LRRC69: variants seen among roughly 807,000 people sequenced by gnomAD.
LRRC69 encodes leucine-rich repeat-containing protein 69.
LRRC69 carries 42 observed loss-of-function variants against 37.8 expected under a neutral mutation model. The observed-to-expected ratio is 1.11, with a 90% CI of 0.87 to 1.44. The LOEUF (loss-of-function observed/expected upper bound fraction) is 1.44. LRRC69 is among the 40% of genes most tolerant of loss of function. The pLI, the probability that LRRC69 is intolerant of heterozygous loss-of-function variation, is 0.00. For synonymous variants in LRRC69, 141 were observed against 143.1 expected (o/e 0.99, Z 0.11); for missense variants, 357 against 401.9 (o/e 0.89, Z 0.96).
intron 5 of LRRC69, among the ~76,000 whole-genome samples, chr8:91,138,551 ATTT>A (rs34842999): frequency 1.4e-5 from 2 of 145,920 alleles, no homozygotes; most frequent in East Asian, 4.0e-4. Flanking sequence ...TCAGAGCAGT[ATTT>A]TTTTTTTTTT....
intron 5 of LRRC69, among the ~76,000 whole-genome samples, chr8:91,182,687 C>T (rs1239948093): frequency 6.6e-6 from 1 of 152,174 alleles, no homozygotes; most frequent in Non-Finnish European, 1.5e-5. Flanking sequence ...GGCAATTTGA[C>T]TCCCAAGTCC....
At chr8:91,152,164 T>C (rs1563606236) in intron 5 of LRRC69, among the ~76,000 whole-genome samples, 2 of 151,810 alleles carry the variant, frequency 1.3e-5, no homozygotes, top group African/African-American at 4.8e-5. Context: ...ATTTTTGCTT[T>C]TGTTGCCATT....
chr8:91,131,572 C>T (rs1223978396), intron 3 of LRRC69, among the ~76,000 whole-genome samples: 1 of 151,804 alleles, frequency 6.6e-6, no homozygotes, highest in African/African-American at 2.4e-5. Flanking sequence ...AGAGGTCCCT[C>T]ATGTCTTTTG....
At chr8:91,217,244 G>A (rs1190630825) in intron 7 of LRRC69, among the ~76,000 whole-genome samples, 2 of 152,132 alleles carry the variant, frequency 1.3e-5, no homozygotes, top group African/African-American at 4.8e-5. Flanking sequence ...GTCAGGACTC[G>A]TGGTTGCAAA....
At chr8:91,195,777 A>G (rs1353738797) in intron 6 of LRRC69, among the ~76,000 whole-genome samples, 1 of 151,860 alleles carries the variant, frequency 6.6e-6, no homozygotes, top group Admixed American at 6.5e-5. Context: ...CAGCACACTG[A>G]TGGGTCTTGA....
chr8:91,149,443 T>G (rs1384292658), intron 5 of LRRC69, among the ~76,000 whole-genome samples: 2 of 151,992 alleles, frequency 1.3e-5, no homozygotes, highest in Non-Finnish European at 2.9e-5. Flanking sequence ...CATTGGTCTA[T>G]ATCTCTGTTT....
chr8:91,139,098 A>G (rs1808478234), intron 5 of LRRC69: 1 of 151,748 alleles, frequency 6.6e-6, no homozygotes, highest in Non-Finnish European at 1.5e-5. Flanking sequence ...ATGTAGTCAG[A>G]TCTGCTACAG....
At chr8:91,158,531 C>T in intron 5 of LRRC69, 1 of 1,137,886 alleles carries the variant, frequency 8.8e-7, no homozygotes, top group Non-Finnish European at 1.3e-6. Context: ...ATGAAATAGA[C>T]TTACACACTG....
At chr8:91,204,423 G>C (rs1463483657) in intron 7 of LRRC69, among the ~76,000 whole-genome samples, 1 of 152,250 alleles carries the variant, frequency 6.6e-6, no homozygotes, top group African/African-American at 2.4e-5. Context: ...CCACTGTGGA[G>C]CACTGGAAGA....
intron 7 of LRRC69, among the ~76,000 whole-genome samples, chr8:91,216,936 C>T (rs181788607): frequency 7.2e-5 from 11 of 152,220 alleles, no homozygotes; most frequent in African/African-American, 2.6e-4. Context: ...TCACCCTCCC[C>T]GAAATGTCCT....
intron 5 of LRRC69, among the ~76,000 whole-genome samples, chr8:91,159,853 T>C (rs1042233663): frequency 1.3e-5 from 2 of 151,010 alleles, no homozygotes; most frequent in East Asian, 1.9e-4. Flanking sequence ...CTTTCAAGCA[T>C]ACTTGTAAAA....
chr8:91,133,630 G>C (rs765545905), intron 4 of LRRC69, among the ~76,000 whole-genome samples: 1 of 151,996 alleles, frequency 6.6e-6, no homozygotes, highest in Non-Finnish European at 1.5e-5. Context: ...TTATTGTTTG[G>C]TATTTCTTTC....
At chr8:91,208,838 G>A (rs1050692608) in intron 7 of LRRC69, among the ~76,000 whole-genome samples, 3 of 152,172 alleles carry the variant, frequency 2.0e-5, no homozygotes, top group African/African-American at 7.2e-5. Context: ...CCGTGGTAGT[G>A]TCTACTTCCC....
intron 5 of LRRC69, among the ~76,000 whole-genome samples, chr8:91,141,464 C>T (rs1486910550): frequency 6.6e-6 from 1 of 152,064 alleles, no homozygotes; most frequent in African/African-American, 2.4e-5. Context: ...CTTGATAGAA[C>T]ATTGAGTTTA....
chr8:91,217,746 A>G (rs1359760156), intron 7 of LRRC69, among the ~76,000 whole-genome samples: 1 of 152,208 alleles, frequency 6.6e-6, no homozygotes, highest in Non-Finnish European at 1.5e-5. Context: ...CCCAGACAGG[A>G]AAAACCAAGA....
At chr8:91,136,560 A>G (rs1407350180) in intron 5 of LRRC69, among the ~76,000 whole-genome samples, 2 of 152,030 alleles carry the variant, frequency 1.3e-5, no homozygotes, top group Non-Finnish European at 1.5e-5. Flanking sequence ...AGTCCACGGT[A>G]CTAAGTACTT....
intron 7 of LRRC69, chr8:91,206,974 C>A: frequency 1.9e-6 from 1 of 527,512 alleles, no homozygotes; most frequent in Non-Finnish European, 2.8e-6. Context: ...TAGTTATTCC[C>A]CATTTACTTC....
At chr8:91,177,850 C>CTTTTTTTTT (rs10645044) in intron 5 of LRRC69, among the ~76,000 whole-genome samples, 1 of 130,842 alleles carries the variant, frequency 7.6e-6, no homozygotes, top group Non-Finnish European at 1.6e-5. Context: ...TTCTGCTTTT[C>CTTTTTTTTT]TTTTTTTTTT....
At chr8:91,153,883 T>C (rs570855339) in intron 5 of LRRC69, among the ~76,000 whole-genome samples, 2 of 151,578 alleles carry the variant, frequency 1.3e-5, no homozygotes, top group South Asian at 2.1e-4. Flanking sequence ...CTGAAGGAGA[T>C]AGAGACATGA....
Sources: gnomAD v4.1 joint callset for allele counts (sites outside exome capture counted in the v4.1 genomes callset) on GRCh38, gnomAD v4.1.1 for gene constraint, MANE v1.5 for transcripts, NCBI Gene and HGNC (gene_info 2026-07-23, HGNC 2026-07-21) for gene names.